The following LRRK2 variants were observed in gnomAD, a reference collection of about 807,000 sequenced individuals.
LRRK2 encodes the protein leucine-rich repeat serine/threonine-protein kinase 2.
Under a neutral mutation model 302.6 loss-of-function variants are expected in LRRK2, and 203 were observed. The ratio of observed to expected loss-of-function variants is 0.67; its 90% CI spans 0.60 to 0.75. LRRK2 has a LOEUF of 0.75. Ranked by LOEUF, LRRK2 falls within the 30% of genes least tolerant of loss-of-function variation. The probability of loss-of-function intolerance (pLI) is 0.00; values close to 1 mark genes in which losing one functional copy is unlikely to be tolerated. For missense variants in LRRK2, 2,830 were observed against 2,951.0 expected, an observed-to-expected ratio of 0.96 and a Z score of 0.95; for synonymous variants, 1,066 against 1,031.9, an observed-to-expected ratio of 1.03 and a Z score of -0.63.
intron 45 of LRRK2, among the ~76,000 whole-genome samples, 164 bp from the exon 46 acceptor site, chr12:40,355,951 T>G (rs577006292): frequency 6.6e-6 from 1 of 152,250 alleles, no homozygotes; most frequent in South Asian, 2.1e-4. Context: ...GAGAAAGAAT[T>G]TATAATTCCA....
At chr12:40,327,894 G>T (rs766634504) in intron 38 of LRRK2, among the ~76,000 whole-genome samples, 1 of 152,150 alleles carries the variant, frequency 6.6e-6, no homozygotes, top group Non-Finnish European at 1.5e-5. Context: ...GCCTCAAAAA[G>T]ACTTTTTGTC....
intron 18 of LRRK2, among the ~76,000 whole-genome samples, chr12:40,281,102 CA>C (rs1282414330): frequency 6.6e-6 from 1 of 151,474 alleles, no homozygotes; most frequent in Non-Finnish European, 1.5e-5. Flanking sequence ...ACCAACCAAC[CA>C]ACCAACAAAA....
intron 14 of LRRK2, among the ~76,000 whole-genome samples, chr12:40,266,694 C>T (rs943834681): frequency 1.3e-5 from 2 of 152,158 alleles, no homozygotes; most frequent in Non-Finnish European, 1.5e-5. Context: ...TATAAAGACA[C>T]TTGCACACCT....
At chr12:40,307,781 C>CTTTT (rs201473630) in intron 28 of LRRK2, among the ~76,000 whole-genome samples, 18 of 119,366 alleles carry the variant, frequency 1.5e-4, no homozygotes, top group Middle Eastern at 5.8e-3. Flanking sequence ...CTTTTCTTTT[C>CTTTT]TTTTTTTTTT....
At chr12:40,299,393 T>G in intron 25 of LRRK2, 136 bp downstream of exon 25, 2 of 989,144 alleles carry the variant, frequency 2.0e-6, no homozygotes, top group South Asian at 1.4e-5. Flanking sequence ...AAAATAAAAT[T>G]AGCAGGTTGG....
chr12:40,334,857 C>T lies in LRRK2; in HGVS notation c.5758-110C>T, dbSNP rs542451439. 8.3e-6 allele frequency: 10 copies of T among 1,211,594 alleles called. No individual in the cohort carries two copies. The South Asian group carries it at 8.6e-5, about 10-fold the overall frequency. 75.1% of individuals were successfully genotyped at this position (1,211,594 alleles called of 1,614,324 possible). A position where few individuals can be genotyped will look rare whatever the true frequency, so the allele number is the denominator to read the frequency against. On this transcript the variant is annotated intron_variant, in intron 39 of 50. Coordinates refer to ENST00000298910, the MANE Select transcript of LRRK2 (RefSeq NM_198578.4). ...GAAGAAATGGAAAGTTTGCTATGAT[C>T]CAGTCATACAGAGAAATCCATGTTC...
intron 7 of LRRK2, among the ~76,000 whole-genome samples, chr12:40,247,861 G>A (rs1190498996): frequency 6.7e-6 from 1 of 150,124 alleles, no homozygotes; most frequent in East Asian, 1.9e-4. Flanking sequence ...TTGGGAGATG[G>A]GATATTGTTA....
chr12:40,345,622 C>CAACAA (rs1946168087), intron 41 of LRRK2, among the ~76,000 whole-genome samples: 1 of 67,528 alleles, frequency 1.5e-5, no homozygotes, highest in Non-Finnish European at 2.6e-5. Context: ...GACTCCATCT[C>CAACAA]AAAAAAAAAA....
chr12:40,366,046 T>A (rs12426362), intron 49 of LRRK2: 93,418 of 151,548 alleles, frequency 0.62, 29,201 homozygotes, highest in Non-Finnish European at 0.67. Flanking sequence ...GTGGAATGTC[T>A]ATGGGTTATA....
At chr12:40,362,212 C>T (rs1235565178) in intron 47 of LRRK2, among the ~76,000 whole-genome samples, 2 of 151,824 alleles carry the variant, frequency 1.3e-5, no homozygotes, top group African/African-American at 2.4e-5. Context: ...TTACCTAAAG[C>T]GTAGTGGCTC....
At chr12:40,313,769 A>G (rs1173700488) in intron 31 of LRRK2, among the ~76,000 whole-genome samples, 1 of 151,946 alleles carries the variant, frequency 6.6e-6, no homozygotes, top group African/African-American at 2.4e-5. Flanking sequence ...TTGCCTCTGA[A>G]TCAACAATTT....
intron 44 of LRRK2, among the ~76,000 whole-genome samples, chr12:40,352,155 G>A (rs907433455): frequency 2.0e-5 from 3 of 152,146 alleles, no homozygotes; most frequent in Non-Finnish European, 4.4e-5. Flanking sequence ...ATATTGTTCA[G>A]TCATTGGCTG....
At chr12:40,363,808 A>G (rs976531151) in intron 48 of LRRK2, among the ~76,000 whole-genome samples, 9 of 152,118 alleles carry the variant, frequency 5.9e-5, no homozygotes, top group African/African-American at 7.2e-5. Context: ...TGAAAATACT[A>G]CATTATTGAA....
chr12:40,257,279 A>T lies in LRRK2; in HGVS notation c.1320A>T (p.Gly440=). The change falls in exon 12 of 51, where the codon GGA becomes GGT. Residue 440 remains glycine, a synonymous_variant. Coordinates refer to ENST00000298910, the MANE Select transcript of LRRK2 (RefSeq NM_198578.4). ...VNFRKILLSK[G]IHLNVLELMQ... ...TCAGAAAAATACTGTTATCAAAAGGAATACACCTGAATGTTTTGGAGTTAA... is the reference window on the plus strand; with the variant it reads ...TCAGAAAAATACTGTTATCAAAAGGTATACACCTGAATGTTTTGGAGTTAA... The T allele has an allele frequency of 6.3e-7, 1 of 1,587,288 alleles. No homozygotes were observed. The highest frequency in any genetic ancestry group is 8.7e-7 in the Non-Finnish European group (1 of 1,155,972).
intron 44 of LRRK2, among the ~76,000 whole-genome samples, chr12:40,353,873 A>G (rs1314373685): frequency 6.6e-6 from 1 of 152,166 alleles, no homozygotes; most frequent in Non-Finnish European, 1.5e-5. Flanking sequence ...AATGGCAGGC[A>G]CTCTGCAGGC....
At chr12:40,356,670 T>C (rs1349049053) in intron 46 of LRRK2, among the ~76,000 whole-genome samples, 16 of 152,204 alleles carry the variant, frequency 1.1e-4, no homozygotes, top group African/African-American at 3.6e-4. Context: ...TTCCTACCCG[T>C]TCATTCTCCT....
At chr12:40,229,571 C>A (rs1178296344) in intron 2 of LRRK2, among the ~76,000 whole-genome samples, 1 of 152,098 alleles carries the variant, frequency 6.6e-6, no homozygotes, top group Admixed American at 6.5e-5. Flanking sequence ...AGAAGGGGAG[C>A]AAAATAAATG....
At position 40,321,136 on chromosome 12, in the gene LRRK2, A is replaced by G; in HGVS notation, c.5118A>G (p.Ser1706=). Residue 1706 remains serine, a synonymous_variant, in exon 35 of 51, where the codon TCA becomes TCG. Coordinates refer to ENST00000298910, the MANE Select transcript of LRRK2 (RefSeq NM_198578.4). The part of the protein sequence containing the change: ...EMPYFPMGFW[S]RLINRLLEIS... ...CTTATTTTCCAATGGGATTTTGGTC[A>G]AGATTAATCAATCGATTACTTGAGA... 3.1e-6 allele frequency: 5 copies of G among 1,612,862 alleles called. No homozygotes were observed. The highest frequency in any genetic ancestry group is 4.2e-6 in the Non-Finnish European group (5 of 1,179,032).
chr12:40,292,815 AT>A (rs1327594017), intron 20 of LRRK2, among the ~76,000 whole-genome samples: 1 of 151,984 alleles, frequency 6.6e-6, no homozygotes, highest in Non-Finnish European at 1.5e-5. Flanking sequence ...CTTTAATATG[AT>A]TTTTTTATTG....
Sources: gnomAD v4.1 joint callset for allele counts (sites outside exome capture counted in the v4.1 genomes callset) on GRCh38, gnomAD v4.1.1 for gene constraint, MANE v1.5 for transcripts, NCBI Gene and HGNC (gene_info 2026-07-23, HGNC 2026-07-21) for gene names.